The following STOX2 variants were observed in gnomAD, a reference collection of about 807,000 sequenced individuals.
The protein encoded by STOX2 is storkhead-box protein 2.
Under a neutral mutation model 60.9 loss-of-function variants are expected in STOX2, and 28 were observed. The ratio of observed to expected loss-of-function variants is 0.46; its 90% CI spans 0.34 to 0.63. STOX2 has a LOEUF of 0.63. STOX2 is among the 30% of genes least tolerant of loss of function. The pLI, the probability that STOX2 is intolerant of heterozygous loss-of-function variation, is 0.01. For synonymous variants in STOX2, 472 were observed against 463.9 expected (o/e 1.02, Z -0.22); for missense variants, 1,024 against 1,187.7 (o/e 0.86, Z 2.03).
Position 184,021,025 on chromosome 4 carries a change from C to T in STOX2, c.*3741C>T, listed in dbSNP as rs1734568985. 1 of 152,210 alleles carries T rather than the reference C, an allele frequency of 6.6e-6. No homozygotes were observed. Among genetic ancestry groups the T allele is most frequent in the Non-Finnish European group, 1.5e-5 (1 of 68,042 alleles). The allele number at this position is 152,210 out of a possible 1,614,324, so 9.4% of individuals were successfully genotyped here. A position where few individuals can be genotyped will look rare whatever the true frequency, so the allele number is the denominator to read the frequency against. ...AAACCACTTATCACCACCAAGTGTA[C>T]TTGAAAATAAAGTTTTTAACTTAAA... On this transcript the variant is annotated 3_prime_UTR_variant, in exon 4 of 4. Transcript: ENST00000308497.
Position 184,009,136 on chromosome 4 carries a change from G to GCT in STOX2, c.320-22_320-21insCT. ...TGTTCTGTCTTCATTCTCACAAGTGGTTTTTTTTTTTTTTTTTTCAGGTGT... is the reference window on the plus strand; with the variant it reads ...TGTTCTGTCTTCATTCTCACAAGTGGCTTTTTTTTTTTTTTTTTTTCAGGTGT... On this transcript the variant is annotated intron_variant, in intron 2 of 3. Transcript: ENST00000308497. This position sits in a 1 kb window ranked among gnomAD's most constrained non-coding sequence, Gnocchi z 4.0. 1.4e-6 allele frequency: 1 copy of GCT among 716,352 alleles called. No homozygotes were observed. Among genetic ancestry groups the GCT allele is most frequent in the Non-Finnish European group, 2.2e-6 (1 of 463,072 alleles). 44.4% of individuals were successfully genotyped at this position (716,352 alleles called of 1,614,324 possible).
intron 1 of STOX2, among the ~76,000 whole-genome samples, chr4:183,828,924 C>A (rs1739497311): frequency 6.6e-6 from 1 of 152,168 alleles, no homozygotes. Flanking sequence ...GGACGCCAGA[C>A]CTGGTGCTGC....
In STOX2 at chr4:184,001,825, T is replaced by C. The variant is rs997813379; in HGVS notation, c.319+348T>C. Reference sequence around the variant, plus strand: ...GTTCAACGGCTGAAAACTTTAGTCCTAGGGAGTTAAACTACAGAAAGGGTC... The same window carrying C: ...GTTCAACGGCTGAAAACTTTAGTCCCAGGGAGTTAAACTACAGAAAGGGTC... On this transcript the variant is annotated intron_variant, in intron 2 of 3. Transcript: ENST00000308497. This position sits in a 1 kb window ranked among gnomAD's most constrained non-coding sequence, Gnocchi z 4.2. 6.6e-6 allele frequency among the ~76,000 whole-genome samples: 1 copy of C among 152,210 alleles called. No homozygotes were observed. Among genetic ancestry groups the C allele is most frequent in the Non-Finnish European group, 1.5e-5 (1 of 68,030 alleles).
chr4:183,800,315 C>T (rs1197741249), intron 1 of STOX2, among the ~76,000 whole-genome samples: 2 of 151,830 alleles, frequency 1.3e-5, no homozygotes, highest in African/African-American at 2.4e-5. Flanking sequence ...CAAATGCTGG[C>T]GGGGGGCCGG....
At chr4:183,855,222 A>G (rs1740258187) in intron 1 of STOX2, among the ~76,000 whole-genome samples, 1 of 152,242 alleles carries the variant, frequency 6.6e-6, no homozygotes, top group African/African-American at 2.4e-5. Flanking sequence ...TACTCATCCA[A>G]GTGTTCACTT....
chr4:183,928,921 C>T (rs1386898365), intron 1 of STOX2, among the ~76,000 whole-genome samples: 3 of 152,042 alleles, frequency 2.0e-5, no homozygotes, highest in South Asian at 2.1e-4. Flanking sequence ...GAGAAAATGA[C>T]GATGTCTGAG....
chr4:183,904,406 T>G (rs887917631), upstream of STOX2, among the ~76,000 whole-genome samples: 2 of 152,256 alleles, frequency 1.3e-5, no homozygotes, highest in Admixed American at 1.3e-4. Context: ...TTTCTGTTCT[T>G]AGCAGTTCTC....
At chr4:183,913,401 G>T (rs193215540) in intron 1 of STOX2, among the ~76,000 whole-genome samples, 2 of 152,086 alleles carry the variant, frequency 1.3e-5, no homozygotes, top group Non-Finnish European at 2.9e-5. Flanking sequence ...TGTTGTGAAC[G>T]TCTAGAGGCT....
Position 183,839,023 on chromosome 4 carries a change from G to GCA in STOX2, c.364+40983_364+40984dup, listed in dbSNP as rs144288337. Among the ~76,000 whole-genome samples, 139 of 150,582 alleles carry GCA rather than the reference G, an allele frequency of 9.2e-4. 2 individuals carry two copies. Among genetic ancestry groups the GCA allele is most frequent in the East Asian group, 3.7e-3 (19 of 5,110 alleles). ...CACAGGTACACGTGCACGCGCGCGCGCACACACACACACACAGGTACACAT... is the reference window on the plus strand; with the variant it reads ...CACAGGTACACGTGCACGCGCGCGCGCACACACACACACACACAGGTACACAT... On this transcript the variant is annotated intron_variant, in intron 1 of 2. Transcript: ENST00000513034.
intron 1 of STOX2, among the ~76,000 whole-genome samples, chr4:183,893,634 T>C (rs1252002728): frequency 5.3e-5 from 8 of 152,158 alleles, no homozygotes; most frequent in Non-Finnish European, 1.2e-4. Context: ...ATTTTACATA[T>C]AAAAGTGTAT....
At chr4:183,820,171 C>A (rs941413889) in intron 1 of STOX2, among the ~76,000 whole-genome samples, 4 of 152,216 alleles carry the variant, frequency 2.6e-5, no homozygotes, top group Non-Finnish European at 5.9e-5. Context: ...GTGATCCTCC[C>A]GCCTCGGCCT....
upstream of STOX2, among the ~76,000 whole-genome samples, chr4:183,902,620 T>G (rs1012586835): frequency 5.3e-5 from 8 of 152,184 alleles, no homozygotes; most frequent in African/African-American, 1.9e-4. Flanking sequence ...AGTGACTCTT[T>G]CCATCATAAC....
chr4:183,866,940 G>A (rs909928155), intron 1 of STOX2, among the ~76,000 whole-genome samples: 7 of 151,932 alleles, frequency 4.6e-5, no homozygotes, highest in Non-Finnish European at 8.8e-5. Flanking sequence ...CAATCAACAT[G>A]AATAGAAGTT....
Position 184,009,893 on chromosome 4 carries a change from A to G in STOX2, c.1055A>G (p.His352Arg), listed in dbSNP as rs750389928. 3.1e-6 allele frequency: 5 copies of G among 1,612,410 alleles called. No homozygotes were observed. The highest frequency in any genetic ancestry group is 1.7e-5 in the Admixed American group (1 of 59,842). ...AQRSKAGSSAHHSGRSKKSRT... is the reference protein window; with the variant it reads ...AQRSKAGSSARHSGRSKKSRT... ...AGGAGTAAAGCCGGGTCCTCTGCCC[A>G]TCACAGCGGAAGGAGTAAAAAGAGT... Residue 352 changes from histidine to arginine, a missense_variant, in exon 3 of 4, where the codon CAT becomes CGT. Physicochemically the swap from His to Arg is conservative, Grantham distance 29 (BLOSUM62 0). This residue lies in a region of STOX2 where 922 missense variants were observed against 1,058.3 expected (regional missense o/e 0.87). Transcript: ENST00000308497. The surrounding 1 kb of genome is among the most constrained non-coding windows in gnomAD (Gnocchi z 4.0).
intron 1 of STOX2, among the ~76,000 whole-genome samples, chr4:183,950,970 C>T (rs2111144847): frequency 6.6e-6 from 1 of 152,146 alleles, no homozygotes; most frequent in Admixed American, 6.5e-5. Context: ...AATCCCAGCA[C>T]TTTGGGAGGC....
chr4:183,961,638 A>G (rs1247209131), intron 1 of STOX2, among the ~76,000 whole-genome samples: 4 of 152,214 alleles, frequency 2.6e-5, no homozygotes, highest in African/African-American at 7.2e-5. Flanking sequence ...CGTATCTTCC[A>G]CAGTGGTGAC....
intron 1 of STOX2, among the ~76,000 whole-genome samples, chr4:183,807,072 A>T (rs565183515): frequency 1.3e-5 from 2 of 151,882 alleles, no homozygotes; most frequent in Non-Finnish European, 2.9e-5. Context: ...TCCCGGGTTC[A>T]CGCCATTCTC....
chr4:183,879,844 G>C (rs1740914985), intron 1 of STOX2, among the ~76,000 whole-genome samples: 2 of 152,022 alleles, frequency 1.3e-5, no homozygotes, highest in African/African-American at 4.8e-5. Flanking sequence ...AGAACGTGGG[G>C]GGATGGCGCA....
intron 1 of STOX2, among the ~76,000 whole-genome samples, chr4:183,997,069 A>G (rs368746940): frequency 6.6e-6 from 1 of 152,218 alleles, no homozygotes; most frequent in African/African-American, 2.4e-5. Context: ...GCCTTCTGTC[A>G]TGGAGCTTAC....
Sources: gnomAD v4.1 joint callset for allele counts (sites outside exome capture counted in the v4.1 genomes callset) on GRCh38, gnomAD v4.1.1 for gene constraint, gnomAD v4.1.1 regional missense constraint, Gnocchi (gnomAD v3.1) non-coding constraint, MANE v1.5 for transcripts, NCBI Gene and HGNC (gene_info 2026-07-23, HGNC 2026-07-21) for gene names.